Variants in YTHDF2 observed in about 807,000 individuals in gnomAD.
YTHDF2 encodes YTH domain-containing family protein 2.
A neutral mutation model predicts 50.4 loss-of-function variants in YTHDF2; 2 were observed. The observed-to-expected ratio is 0.04, with a 90% CI of 0.02 to 0.12. The LOEUF (loss-of-function observed/expected upper bound fraction) is 0.12. Ranked by LOEUF, YTHDF2 falls within the 10% of genes least tolerant of loss-of-function variation. The pLI is 1.00. For synonymous variants in YTHDF2, 217 were observed against 255.6 expected (o/e 0.85, Z 1.44); for missense variants, 483 against 722.6 (o/e 0.67, Z 3.80).
intron 1 of YTHDF2, chr1:28,737,408 C>T (rs1355673506): frequency 6.3e-6 from 4 of 631,632 alleles, no homozygotes; most frequent in Non-Finnish European, 1.0e-5. Context: ...TTCCTTGTTT[C>T]CTTCCCCTTC....
At position 28,769,277 on chromosome 1, in the gene YTHDF2, C is replaced by T. The variant is rs530183885; in HGVS notation, c.*325C>T. 5.2e-6 allele frequency: 1 copy of T among 192,216 alleles called. No homozygotes were observed. Among genetic ancestry groups the T allele is most frequent in the South Asian group, 1.8e-4 (1 of 5,432 alleles). The allele number at this position is 192,216 out of a possible 1,614,324, so 11.9% of individuals were successfully genotyped here. A position where few individuals can be genotyped will look rare whatever the true frequency, so the allele number is the denominator to read the frequency against. On this transcript the variant is annotated 3_prime_UTR_variant, in exon 5 of 5. Transcript: ENST00000373812. The stretch of plus-strand genomic sequence containing the variant: ...TACTATGTTTTTCGGATTTTTAAGT[C>T]CGTAAGTGCATACAGTTTTCTCTAA...
intron 4 of YTHDF2, among the ~76,000 whole-genome samples, chr1:28,756,060 A>G (rs1463943471): frequency 6.6e-6 from 1 of 152,102 alleles, no homozygotes; most frequent in African/African-American, 2.4e-5. Flanking sequence ...GAAAGTTTTG[A>G]TCTCCGTACT....
intron 4 of YTHDF2, among the ~76,000 whole-genome samples, chr1:28,761,636 C>T (rs180704888): frequency 7.2e-5 from 11 of 152,248 alleles, no homozygotes; most frequent in South Asian, 6.2e-4. Flanking sequence ...ACTCAGGAGG[C>T]TGAGGCAGAA....
intron 4 of YTHDF2, among the ~76,000 whole-genome samples, chr1:28,765,420 A>G (rs2088201314): frequency 9.1e-6 from 1 of 110,060 alleles, no homozygotes; most frequent in Admixed American, 8.5e-5. Context: ...TTTGAAATAC[A>G]TTTTTAAAAA....
Position 28,769,720 on chromosome 1 carries a change from CCTTT to C in YTHDF2, c.*773_*776del, listed in dbSNP as rs1288362840. ...TTCAGCCAATGAGGAAAGGGCATTG[CCTTT>C]CTTTTTACCATTAATCACTTCTCAA... On this transcript the variant is annotated 3_prime_UTR_variant, in exon 5 of 5. Coordinates refer to ENST00000373812, the MANE Select transcript of YTHDF2 (RefSeq NM_016258.3). 1.3e-5 allele frequency: 2 copies of C among 152,630 alleles called. No homozygotes were observed. The highest frequency in any genetic ancestry group is 2.9e-5 in the Non-Finnish European group (2 of 68,032). The allele number at this position is 152,630 out of a possible 1,614,324, so 9.5% of individuals were successfully genotyped here. A position where few individuals can be genotyped will look rare whatever the true frequency, so the allele number is the denominator to read the frequency against.
intron 4 of YTHDF2, among the ~76,000 whole-genome samples, chr1:28,764,178 C>T (rs1486125833): frequency 4.0e-5 from 6 of 150,648 alleles, no homozygotes; most frequent in Admixed American, 6.6e-5. Flanking sequence ...CTCGAACTCC[C>T]GACCTCAGGT....
At chr1:28,744,829 C>T (rs191748370) in intron 4 of YTHDF2, among the ~76,000 whole-genome samples, 10 of 152,040 alleles carry the variant, frequency 6.6e-5, no homozygotes, top group East Asian at 3.9e-4. Context: ...CCACCATGCC[C>T]GGCTAGTTTT....
At chr1:28,737,287 G>C in intron 1 of YTHDF2, 140 bp downstream of exon 1, 1 of 1,103,676 alleles carries the variant, frequency 9.1e-7, no homozygotes, top group Non-Finnish European at 1.2e-6. Flanking sequence ...CTCTCAGGCC[G>C]GCCGCGCCCG....
At chr1:28,741,206 C>T (rs954564351) in intron 3 of YTHDF2, among the ~76,000 whole-genome samples, 4 of 151,810 alleles carry the variant, frequency 2.6e-5, no homozygotes, top group Non-Finnish European at 5.9e-5. Flanking sequence ...CCATGTTGGC[C>T]GGGCTGGTCT....
chr1:28,749,982 G>A (rs1421555084), intron 4 of YTHDF2, among the ~76,000 whole-genome samples: 2 of 108,272 alleles, frequency 1.8e-5, no homozygotes, highest in Non-Finnish European at 3.7e-5. Context: ...TGAAAAAAAA[G>A]GTTGTTTTTT....
At chr1:28,740,993 C>T (rs926925719) in intron 3 of YTHDF2, among the ~76,000 whole-genome samples, 1 of 149,506 alleles carries the variant, frequency 6.7e-6, no homozygotes, top group Admixed American at 6.7e-5. Context: ...TGTGAGCCAC[C>T]GCGCCCGGCT....
intron 4 of YTHDF2, among the ~76,000 whole-genome samples, chr1:28,764,047 T>A (rs990779661): frequency 6.6e-6 from 1 of 151,404 alleles, no homozygotes; most frequent in African/African-American, 2.4e-5. Context: ...TCTCCCAGGT[T>A]CAAGCGATTT....
At chr1:28,752,657 T>C (rs964214279) in intron 4 of YTHDF2, among the ~76,000 whole-genome samples, 1 of 152,198 alleles carries the variant, frequency 6.6e-6, no homozygotes, top group Middle Eastern at 3.2e-3. Context: ...TAATTTTTGC[T>C]GATTGTCTAG....
intron 4 of YTHDF2, among the ~76,000 whole-genome samples, chr1:28,749,319 G>A (rs577648348): frequency 1.3e-5 from 2 of 151,912 alleles, no homozygotes; most frequent in African/African-American, 2.4e-5. Flanking sequence ...AGCCTCTCGC[G>A]TAGCTGGGAC....
intron 4 of YTHDF2, among the ~76,000 whole-genome samples, chr1:28,752,845 C>A (rs914529645): frequency 6.6e-6 from 1 of 151,772 alleles, no homozygotes; most frequent in Non-Finnish European, 1.5e-5. Context: ...GAGTTTGAGA[C>A]CAGCCTGGGC....
intron 3 of YTHDF2, among the ~76,000 whole-genome samples, chr1:28,738,592 G>A (rs1263905395): frequency 1.3e-5 from 2 of 152,212 alleles, no homozygotes; most frequent in East Asian, 3.9e-4. Flanking sequence ...TTACACGTGT[G>A]CACCACCGCA....
At chr1:28,746,808 G>T (rs913669166) in intron 4 of YTHDF2, among the ~76,000 whole-genome samples, 8 of 152,072 alleles carry the variant, frequency 5.3e-5, no homozygotes, top group African/African-American at 1.7e-4. Context: ...TTTTGGCCAG[G>T]CTCTGGCTCA....
intron 4 of YTHDF2, among the ~76,000 whole-genome samples, chr1:28,762,934 C>A (rs569489876): frequency 6.6e-6 from 1 of 152,004 alleles, no homozygotes; most frequent in East Asian, 1.9e-4. Flanking sequence ...GTGATTGATT[C>A]TCCTGCCTCA....
At chr1:28,753,534 G>C (rs2087990030) in intron 4 of YTHDF2, among the ~76,000 whole-genome samples, 1 of 151,848 alleles carries the variant, frequency 6.6e-6, no homozygotes, top group Non-Finnish European at 1.5e-5. Context: ...GGCACAGTGA[G>C]ACCCTGTCTT....
Sources: allele counts gnomAD v4.1 joint callset (sites outside exome capture counted in the v4.1 genomes callset), GRCh38; gene constraint gnomAD v4.1.1; transcripts MANE v1.5; gene names NCBI Gene and HGNC (gene_info 2026-07-23, HGNC 2026-07-21).